NUGGC: variants seen among roughly 807,000 people sequenced by gnomAD.
NUGGC encodes nuclear GTPase, germinal center associated, also known as nuclear GTPase SLIP-GC.
Under a neutral mutation model 92.6 loss-of-function variants are expected in NUGGC, and 58 were observed. That is an observed-to-expected ratio of 0.63 (90% CI 0.51 to 0.78). The LOEUF is 0.78. NUGGC is among the 30% of genes least tolerant of loss of function. NUGGC has a pLI of 0.00. For missense variants in NUGGC, 925 were observed against 964.6 expected, an observed-to-expected ratio of 0.96 and a Z score of 0.54; for synonymous variants, 376 against 366.4, an observed-to-expected ratio of 1.03 and a Z score of -0.30.
intron 12 of NUGGC, among the ~76,000 whole-genome samples, chr8:28,042,788 G>A (rs184805417): frequency 3.2e-4 from 48 of 152,312 alleles, no homozygotes; most frequent in African/African-American, 8.4e-4. Context: ...GAGAAACTGC[G>A]AGATAATTTG....
chr8:28,038,311 T>A (rs10503819), intron 13 of NUGGC, among the ~76,000 whole-genome samples: 53,658 of 152,036 alleles, frequency 0.35, 9,973 homozygotes, highest in East Asian at 0.47. Flanking sequence ...CTCTCTTAAC[T>A]CTTCTGAGCA....
At position 28,058,264 on chromosome 8, in the gene NUGGC, T is replaced by G; in HGVS notation, c.1110A>C (p.Ala370=). 1 of 508,352 alleles carries G rather than the reference T, an allele frequency of 2.0e-6. No homozygotes were observed. The highest frequency in any genetic ancestry group is 3.1e-6 in the Non-Finnish European group (1 of 324,916). The allele number at this position is 508,352 out of a possible 1,614,324, so 31.5% of individuals were successfully genotyped here. A position where few individuals can be genotyped will look rare whatever the true frequency, so the allele number is the denominator to read the frequency against. The change falls in exon 9 of 19, where the codon GCA becomes GCC. Residue 370 remains alanine, a synonymous_variant. Transcript: ENST00000413272. The part of the protein sequence containing the change: ...HLPEYLRERK[A]GNQAIQSQRE... Reference sequence around the variant, plus strand: ...AAAACTAGTTCATACTTACATTTCCTGCCTTTCTTTCCCTGAAATGAAATT... The same window carrying G: ...AAAACTAGTTCATACTTACATTTCCGGCCTTTCTTTCCCTGAAATGAAATT...
At chr8:28,061,738 A>G (rs1427199617) in intron 7 of NUGGC, among the ~76,000 whole-genome samples, 1 of 152,168 alleles carries the variant, frequency 6.6e-6, no homozygotes, top group African/African-American at 2.4e-5. Context: ...ATCAATGAGC[A>G]TCTGTATTTG....
chr8:28,079,265 G>A lies in NUGGC; in HGVS notation c.-47+4510C>T, dbSNP rs898937871. ...GGCATTGAATAAAGAATGCGGGCCG[G>A]GTGCGGTGGCTCTCGCCTGTAATCC... On this transcript the variant is annotated intron_variant, in intron 1 of 18. Transcript: ENST00000413272. 5.3e-5 allele frequency among the ~76,000 whole-genome samples: 8 copies of A among 152,244 alleles called. No homozygotes were observed. In the East Asian group the frequency reaches 9.7e-4, roughly 18 times the overall value.
intron 2 of NUGGC, among the ~76,000 whole-genome samples, chr8:28,073,319 C>A (rs963322810): frequency 3.3e-5 from 5 of 151,728 alleles, no homozygotes; most frequent in Admixed American, 1.3e-4. Flanking sequence ...CCAGAAACTG[C>A]CAGAAATCTT....
At chr8:28,063,353 G>A (rs562052672) in intron 7 of NUGGC, among the ~76,000 whole-genome samples, 8 of 152,308 alleles carry the variant, frequency 5.3e-5, no homozygotes, top group East Asian at 1.9e-4. Context: ...GGCTGCAGCC[G>A]CGGCTCCATC....
intron 14 of NUGGC, among the ~76,000 whole-genome samples, chr8:28,032,232 T>G (rs186935346): frequency 6.6e-6 from 1 of 151,768 alleles, no homozygotes; most frequent in Non-Finnish European, 1.5e-5. Context: ...ATCGATGGAA[T>G]GGCATAATCC....
At chr8:28,078,133 C>T (rs1441027066) in intron 1 of NUGGC, among the ~76,000 whole-genome samples, 1 of 152,230 alleles carries the variant, frequency 6.6e-6, no homozygotes, top group African/African-American at 2.4e-5. Flanking sequence ...CAACTTCCTC[C>T]GTAGCAGCAT....
At chr8:28,044,141 C>G (rs982687180) in intron 12 of NUGGC, among the ~76,000 whole-genome samples, 9 of 152,146 alleles carry the variant, frequency 5.9e-5, no homozygotes, top group Non-Finnish European at 7.3e-5. Flanking sequence ...CTTGCCACCC[C>G]ACAGGGTCAT....
intron 17 of NUGGC, among the ~76,000 whole-genome samples, chr8:28,027,287 A>G (rs10111373): frequency 0.45 from 68,951 of 151,932 alleles, 16,558 homozygotes; most frequent in African/African-American, 0.55. Flanking sequence ...CTCCCTCCCC[A>G]CCTACAGGCT....
intron 17 of NUGGC, 106 bp downstream of exon 17, chr8:28,029,160 C>A: frequency 2.6e-6 from 3 of 1,140,856 alleles, no homozygotes; most frequent in East Asian, 2.6e-5. Flanking sequence ...AGCATCTGTT[C>A]CATTTGGACC....
intron 14 of NUGGC, among the ~76,000 whole-genome samples, chr8:28,031,898 C>T (rs1172608158): frequency 6.6e-6 from 1 of 152,242 alleles, no homozygotes; most frequent in Non-Finnish European, 1.5e-5. Context: ...TCCTAGCTCT[C>T]TGCTCATGAG....
At chr8:28,031,790 A>C (rs1188126050) in intron 14 of NUGGC, among the ~76,000 whole-genome samples, 2 of 152,246 alleles carry the variant, frequency 1.3e-5, no homozygotes, top group Non-Finnish European at 2.9e-5. Context: ...GGAAAGAAGA[A>C]ATTATTCCCC....
At chr8:28,027,104 T>C in intron 17 of NUGGC, 52 bp from the exon 18 acceptor site, 1 of 1,423,502 alleles carries the variant, frequency 7.0e-7, no homozygotes, top group Non-Finnish European at 9.9e-7. Flanking sequence ...CAAGGAAAAG[T>C]GGATCTTATA....
chr8:28,052,039 G>GA (rs981789065), intron 10 of NUGGC, among the ~76,000 whole-genome samples: 3 of 152,178 alleles, frequency 2.0e-5, no homozygotes, highest in African/African-American at 7.2e-5. Context: ...TGTGGAGCTA[G>GA]AAAGCCTCGT....
intron 2 of NUGGC, among the ~76,000 whole-genome samples, chr8:28,070,627 G>C (rs1025365634): frequency 4.0e-5 from 6 of 150,076 alleles, no homozygotes; most frequent in African/African-American, 1.2e-4. Context: ...GGGTCTTACT[G>C]TGTTGCCCAG....
At chr8:28,043,282 A>G (rs1377670133) in intron 12 of NUGGC, among the ~76,000 whole-genome samples, 1 of 152,214 alleles carries the variant, frequency 6.6e-6, no homozygotes, top group African/African-American at 2.4e-5. Flanking sequence ...GAATAAACGC[A>G]GACTTCATTT....
intron 10 of NUGGC, among the ~76,000 whole-genome samples, chr8:28,050,259 C>T (rs1471613736): frequency 2.0e-5 from 3 of 151,976 alleles, no homozygotes; most frequent in Non-Finnish European, 4.4e-5. Flanking sequence ...GTGGTGAGTG[C>T]CTGTAATCCC....
At position 28,023,298 on chromosome 8, in the gene NUGGC, T is replaced by A; in HGVS notation, c.*19A>T. 6.2e-7 allele frequency: 1 copy of A among 1,605,840 alleles called. No homozygotes were observed. The highest frequency in any genetic ancestry group is 8.5e-7 in the Non-Finnish European group (1 of 1,176,324). ...GGCTCTGGGCTGATTTTTCATCCAT[T>A]GGGACTAAGCCCCAGGAGTTACAGT... is the stretch of plus-strand genomic sequence containing the variant. On this transcript the variant is annotated 3_prime_UTR_variant, in exon 19 of 19. Transcript: ENST00000413272.
Sources: allele counts gnomAD v4.1 joint callset (sites outside exome capture counted in the v4.1 genomes callset), GRCh38; gene constraint gnomAD v4.1.1; transcripts MANE v1.5; gene names NCBI Gene and HGNC (gene_info 2026-07-23, HGNC 2026-07-21).